ZFAND3: variants seen among roughly 807,000 people sequenced by gnomAD.
ZFAND3 encodes the protein zinc finger AN1-type containing 3, also known as AN1-type zinc finger protein 3.
A neutral mutation model predicts 29.6 loss-of-function variants in ZFAND3; 10 were observed. The observed-to-expected ratio is 0.34, with a 90% CI of 0.21 to 0.57. The LOEUF (loss-of-function observed/expected upper bound fraction) is 0.57, where lower values mean the gene tolerates loss of function less well. ZFAND3 is among the 20% of genes least tolerant of loss of function. The pLI is 0.86. For synonymous variants in ZFAND3, 128 were observed against 112.6 expected, an observed-to-expected ratio of 1.14 and a Z score of -0.87; for missense variants, 230 against 304.5, an observed-to-expected ratio of 0.76 and a Z score of 1.82.
chr6:38,082,305 T>C, intron 3 of ZFAND3, 87 bp from the exon 4 acceptor site: 1 of 1,208,372 alleles, frequency 8.3e-7, no homozygotes, highest in South Asian at 1.4e-5. Flanking sequence ...TCTTTTCCTT[T>C]TTAAAGTTTC....
chr6:38,045,523 T>C (rs919379762), intron 2 of ZFAND3, among the ~76,000 whole-genome samples: 4 of 152,214 alleles, frequency 2.6e-5, no homozygotes, highest in African/African-American at 9.6e-5. Context: ...TGTAAAATTT[T>C]GTTCCTAATT....
intron 2 of ZFAND3, among the ~76,000 whole-genome samples, chr6:37,965,391 T>G (rs1762275352): frequency 6.6e-6 from 1 of 152,132 alleles, no homozygotes; most frequent in Admixed American, 6.6e-5. Flanking sequence ...AGAATATATA[T>G]GCGCACACAT....
chr6:38,141,071 G>A (rs945278190), intron 5 of ZFAND3, among the ~76,000 whole-genome samples: 4 of 151,132 alleles, frequency 2.6e-5, no homozygotes, highest in African/African-American at 9.8e-5. Flanking sequence ...GTGGAAACGG[G>A]GCAAAAGCAT....
chr6:38,076,783 A>G (rs937075932), intron 3 of ZFAND3, among the ~76,000 whole-genome samples: 1 of 152,242 alleles, frequency 6.6e-6, no homozygotes, highest in African/African-American at 2.4e-5. Context: ...ACTCAATTAT[A>G]TAGACAGCCT....
chr6:37,993,441 C>T (rs1186950713), intron 2 of ZFAND3, among the ~76,000 whole-genome samples: 8 of 152,122 alleles, frequency 5.3e-5, no homozygotes, highest in Admixed American at 2.6e-4. Context: ...ATTCTCCTGC[C>T]TCACCCTCGC....
chr6:37,986,265 C>T (rs1762670233), intron 2 of ZFAND3, among the ~76,000 whole-genome samples: 1 of 152,140 alleles, frequency 6.6e-6, no homozygotes, highest in Non-Finnish European at 1.5e-5. Context: ...GCCTGTTGTC[C>T]TGAGCCTAGC....
chr6:37,896,772 G>A (rs763149983), intron 1 of ZFAND3, among the ~76,000 whole-genome samples: 5 of 151,664 alleles, frequency 3.3e-5, no homozygotes, highest in Non-Finnish European at 7.4e-5. Context: ...GAGTGGATGA[G>A]TGCTCCTTCT....
At chr6:38,017,432 C>T (rs1763271192) in intron 2 of ZFAND3, among the ~76,000 whole-genome samples, 1 of 152,122 alleles carries the variant, frequency 6.6e-6, no homozygotes. Context: ...GCCCAGTGAG[C>T]CATGCATTTC....
chr6:38,098,920 G>A (rs577248701), intron 4 of ZFAND3, among the ~76,000 whole-genome samples: 117 of 151,956 alleles, frequency 7.7e-4, no homozygotes, highest in African/African-American at 2.7e-3. Context: ...TTTTGTTTTT[G>A]TTTTGGTAGA....
chr6:38,113,304 G>A (rs1034682435), intron 4 of ZFAND3, among the ~76,000 whole-genome samples: 1 of 152,174 alleles, frequency 6.6e-6, no homozygotes, highest in African/African-American at 2.4e-5. Context: ...TCAGAGGATC[G>A]AGTAGGGCTT....
At chr6:37,970,517 G>C (rs1762367788) in intron 2 of ZFAND3, among the ~76,000 whole-genome samples, 1 of 152,184 alleles carries the variant, frequency 6.6e-6, no homozygotes. Flanking sequence ...CTAAGGACCA[G>C]TAGGTCAGAG....
intron 1 of ZFAND3, among the ~76,000 whole-genome samples, chr6:37,925,938 C>T (rs927263075): frequency 1.3e-5 from 2 of 152,072 alleles, no homozygotes; most frequent in Admixed American, 6.6e-5. Flanking sequence ...TTGCATCTTT[C>T]GTGTATAGAT....
chr6:38,087,223 A>G lies in ZFAND3; in HGVS notation c.361+4766A>G, dbSNP rs117718648. ...TTAAAGACTTAAATCTGAAACCTCA[A>G]ACTATGAAACTACTACAAGAAAAGA... is the stretch of plus-strand genomic sequence containing the variant. On this transcript the variant is annotated intron_variant, in intron 4 of 5. Coordinates refer to ENST00000287218, the MANE Select transcript of ZFAND3 (RefSeq NM_021943.3). 9.0e-3 allele frequency among the ~76,000 whole-genome samples: 1,371 copies of G among 152,330 alleles called. 69 individuals carry two copies. Among genetic ancestry groups the G allele is most frequent in the Admixed American group, 0.072 (1,105 of 15,290 alleles).
chr6:37,830,187 T>G (rs932751935), intron 1 of ZFAND3, among the ~76,000 whole-genome samples: 2 of 152,000 alleles, frequency 1.3e-5, no homozygotes, highest in African/African-American at 4.8e-5. Context: ...TGGACAGAGA[T>G]CTGTGTAATT....
intron 2 of ZFAND3, among the ~76,000 whole-genome samples, chr6:38,055,302 G>T (rs558695240): frequency 6.6e-6 from 1 of 152,326 alleles, no homozygotes; most frequent in Non-Finnish European, 1.5e-5. Flanking sequence ...GTCAGATGGG[G>T]TTTGGAGACT....
chr6:38,083,543 C>T (rs1764704131), intron 4 of ZFAND3, among the ~76,000 whole-genome samples: 1 of 152,088 alleles, frequency 6.6e-6, no homozygotes, highest in Non-Finnish European at 1.5e-5. Context: ...AGTCAGAGAG[C>T]CAACTACCTG....
At chr6:37,958,743 T>G (rs1164976108) in intron 2 of ZFAND3, among the ~76,000 whole-genome samples, 6 of 138,232 alleles carry the variant, frequency 4.3e-5, no homozygotes, top group East Asian at 2.2e-4. Flanking sequence ...CGCCCCCCCC[T>G]TCCCCACCCA....
At chr6:38,008,879 T>C (rs1403361273) in intron 2 of ZFAND3, among the ~76,000 whole-genome samples, 1 of 152,162 alleles carries the variant, frequency 6.6e-6, no homozygotes, top group Non-Finnish European at 1.5e-5. Flanking sequence ...AAAATCACAA[T>C]GGGATTTCTA....
chr6:38,063,448 A>T (rs566596101), intron 3 of ZFAND3, among the ~76,000 whole-genome samples: 1 of 152,210 alleles, frequency 6.6e-6, no homozygotes, highest in African/African-American at 2.4e-5. Context: ...GCAACAAAAA[A>T]TCATTCAGCT....
Sources: gnomAD v4.1 joint callset for allele counts (sites outside exome capture counted in the v4.1 genomes callset) on GRCh38, gnomAD v4.1.1 for gene constraint, MANE v1.5 for transcripts, NCBI Gene and HGNC (gene_info 2026-07-23, HGNC 2026-07-21) for gene names.